UGT1A10: variants seen among roughly 807,000 people sequenced by gnomAD.
The protein encoded by UGT1A10 is UDP glucuronosyltransferase family 1 member A10.
In UGT1A10, 49 loss-of-function variants were observed where a neutral mutation model predicts 45.8. That is an observed-to-expected ratio of 1.07 (90% CI 0.85 to 1.36). The LOEUF (loss-of-function observed/expected upper bound fraction) is 1.36. Ranked by LOEUF, UGT1A10 falls within the 40% of genes most tolerant of loss-of-function variation. The pLI is 0.00. For synonymous variants in UGT1A10, 284 were observed against 249.7 expected (o/e 1.14, Z -1.29); for missense variants, 745 against 668.6 (o/e 1.11, Z -1.26).
At chr2:233,747,348 G>C in intron 1 of UGT1A10, 1 of 1,603,426 alleles carries the variant, frequency 6.2e-7, no homozygotes, top group Admixed American at 1.7e-5. Flanking sequence ...TCGCATGCGG[G>C]AGGCCGTGCG....
intron 1 of UGT1A10, among the ~76,000 whole-genome samples, chr2:233,703,618 AT>A (rs2075745853): frequency 6.6e-6 from 1 of 151,894 alleles, no homozygotes; most frequent in South Asian, 2.1e-4. Flanking sequence ...AAAAAAGTCT[AT>A]TTTATCTGAT....
intron 1 of UGT1A10, among the ~76,000 whole-genome samples, chr2:233,673,154 A>T (rs1199864459): frequency 2.0e-5 from 3 of 152,190 alleles, no homozygotes; most frequent in Non-Finnish European, 2.9e-5. Flanking sequence ...TAATGTTTTT[A>T]AAAAAGTACT....
intron 1 of UGT1A10, among the ~76,000 whole-genome samples, chr2:233,656,653 A>G (rs1414278473): frequency 6.6e-6 from 1 of 152,030 alleles, no homozygotes; most frequent in Non-Finnish European, 1.5e-5. Context: ...TCTCATCTCT[A>G]TTTTAACACT....
chr2:233,739,271 C>T lies in UGT1A10; in HGVS notation c.856-27763C>T, dbSNP rs541301086. ...GTGGTAAAGAAATGTGAGGTTGGAG[C>T]CCCCACACAGAGTCTCCACTGGGGC... On this transcript the variant is annotated intron_variant, in intron 1 of 4. Coordinates refer to ENST00000344644, the MANE Select transcript of UGT1A10 (RefSeq NM_019075.4). Among the ~76,000 whole-genome samples, 6 of 152,262 alleles carry T rather than the reference C, an allele frequency of 3.9e-5. No individual in the cohort carries two copies. The East Asian group carries it at 1.2e-3, about 29-fold the overall frequency.
At chr2:233,745,475 T>C (rs1213140846) in intron 1 of UGT1A10, among the ~76,000 whole-genome samples, 1 of 151,692 alleles carries the variant, frequency 6.6e-6, no homozygotes, top group African/African-American at 2.4e-5. Context: ...GGAAAATGAT[T>C]AACCAAAGAA....
chr2:233,746,316 G>C (rs1048806578), intron 1 of UGT1A10, among the ~76,000 whole-genome samples: 1 of 151,828 alleles, frequency 6.6e-6, no homozygotes, highest in African/African-American at 2.4e-5. Flanking sequence ...GGGCCCTGTA[G>C]ATGATCTACA....
intron 1 of UGT1A10, among the ~76,000 whole-genome samples, chr2:233,668,187 T>C (rs1237196834): frequency 1.3e-5 from 2 of 152,172 alleles, no homozygotes; most frequent in African/African-American, 4.8e-5. Flanking sequence ...GTATTTTTCC[T>C]AATGCTATCC....
chr2:233,758,943 A>T (rs1444308221), intron 1 of UGT1A10, among the ~76,000 whole-genome samples: 2 of 152,240 alleles, frequency 1.3e-5, no homozygotes, highest in Non-Finnish European at 2.9e-5. Context: ...CAAATCAGTC[A>T]TCAGAATTTC....
At chr2:233,710,354 C>T (rs1003120760) in intron 1 of UGT1A10, among the ~76,000 whole-genome samples, 3 of 152,174 alleles carry the variant, frequency 2.0e-5, no homozygotes, top group Non-Finnish European at 4.4e-5. Context: ...GTTTCCAAAG[C>T]AGTTATACAA....
At chr2:233,760,734 G>C (rs1458334680) in intron 1 of UGT1A10, 2 of 1,614,080 alleles carry the variant, frequency 1.2e-6, no homozygotes, top group Non-Finnish European at 1.7e-6. Context: ...ATGTCATGCT[G>C]ACGGACCCTT....
At chr2:233,730,084 A>G (rs962499834) in intron 1 of UGT1A10, 3 of 1,600,988 alleles carry the variant, frequency 1.9e-6, no homozygotes, top group African/African-American at 2.7e-5. Context: ...ATATTTACTT[A>G]TCTTTCCAAA....
chr2:233,765,615 G>A (rs958268372), intron 1 of UGT1A10, among the ~76,000 whole-genome samples: 44 of 151,894 alleles, frequency 2.9e-4, no homozygotes, highest in African/African-American at 1.0e-3. Flanking sequence ...GCGGGGTGAG[G>A]GGTGAGGGGA....
At chr2:233,688,874 A>G (rs970041942) in intron 1 of UGT1A10, among the ~76,000 whole-genome samples, 1 of 152,168 alleles carries the variant, frequency 6.6e-6, no homozygotes, top group Non-Finnish European at 1.5e-5. Flanking sequence ...TTGCAGGATA[A>G]GGAGTGGCAA....
At chr2:233,653,030 T>G (rs1308157713) in intron 1 of UGT1A10, among the ~76,000 whole-genome samples, 1 of 152,194 alleles carries the variant, frequency 6.6e-6, no homozygotes, top group East Asian at 1.9e-4. Context: ...TGAACCCACA[T>G]GGCCTCTCTA....
intron 1 of UGT1A10, among the ~76,000 whole-genome samples, chr2:233,645,158 TC>T (rs2073566578): frequency 6.6e-6 from 1 of 152,162 alleles, no homozygotes; most frequent in Admixed American, 6.5e-5. Context: ...ATGAAAGCAA[TC>T]CAGAAAAATT....
intron 1 of UGT1A10, among the ~76,000 whole-genome samples, chr2:233,711,791 G>C (rs1289968745): frequency 1.3e-5 from 2 of 152,218 alleles, no homozygotes; most frequent in African/African-American, 4.8e-5. Context: ...GCACAGCCCA[G>C]AGAGCCTGCC....
intron 1 of UGT1A10, among the ~76,000 whole-genome samples, chr2:233,642,894 CTCTCTCTCTCTG>C (rs1221303140): frequency 7.2e-5 from 11 of 152,174 alleles, no homozygotes; most frequent in African/African-American, 2.2e-4. Flanking sequence ...CTCACTCTCT[CTCTCTCTCTCTG>C]TCTCTCTCTC....
intron 1 of UGT1A10, chr2:233,717,733 A>T (rs2076602571): frequency 4.4e-6 from 2 of 456,030 alleles, no homozygotes; most frequent in Admixed American, 4.7e-5. Context: ...GACCATTGTG[A>T]GTGCTCAGGG....
chr2:233,671,663 A>G (rs1180249368), intron 1 of UGT1A10, among the ~76,000 whole-genome samples: 1 of 152,236 alleles, frequency 6.6e-6, no homozygotes, highest in East Asian at 1.9e-4. Flanking sequence ...TCTGCTTCTA[A>G]ACTTAACATT....
Sources: allele counts gnomAD v4.1 joint callset (sites outside exome capture counted in the v4.1 genomes callset), GRCh38; gene constraint gnomAD v4.1.1; transcripts MANE v1.5; gene names NCBI Gene and HGNC (gene_info 2026-07-23, HGNC 2026-07-21).